FREM2: variants seen among roughly 807,000 people sequenced by gnomAD.
FREM2 encodes FRAS1 related extracellular matrix 2, also known as FRAS1-related extracellular matrix protein 2.
Under a neutral mutation model 219.9 loss-of-function variants are expected in FREM2, and 119 were observed. The ratio of observed to expected loss-of-function variants is 0.54; its 90% CI spans 0.47 to 0.63. The LOEUF is 0.63. Among genes scored for constraint, FREM2 ranks in the 30% least tolerant of loss-of-function variants. The pLI, the probability that FREM2 is intolerant of heterozygous loss-of-function variation, is 0.00. For missense variants in FREM2, 4,030 were observed against 3,993.6 expected (o/e 1.01, Z -0.25); for synonymous variants, 1,562 against 1,522.8 (o/e 1.03, Z -0.60).
At chr13:38,836,156 T>C (rs1876697898) in intron 6 of FREM2, among the ~76,000 whole-genome samples, 1 of 152,060 alleles carries the variant, frequency 6.6e-6, no homozygotes, top group Non-Finnish European at 1.5e-5. Flanking sequence ...CATGAAGGAG[T>C]GTTGAATTTT....
chr13:38,785,858 G>A (rs530895000), intron 6 of FREM2, among the ~76,000 whole-genome samples: 19 of 152,212 alleles, frequency 1.2e-4, no homozygotes, highest in Admixed American at 1.0e-3. Flanking sequence ...AGAATAATAG[G>A]TATTTTACCT....
intron 6 of FREM2, among the ~76,000 whole-genome samples, chr13:38,814,006 G>A (rs185954498): frequency 4.6e-5 from 7 of 151,738 alleles, no homozygotes; most frequent in African/African-American, 7.2e-5. Flanking sequence ...TCATGATGTC[G>A]CCTACATTTT....
intron 2 of FREM2, among the ~76,000 whole-genome samples, chr13:38,716,787 C>T (rs1270145501): frequency 1.3e-5 from 2 of 152,224 alleles, no homozygotes; most frequent in African/African-American, 2.4e-5. Context: ...GGATTATAGG[C>T]GTGAGCCACC....
chr13:38,856,359 A>G, intron 12 of FREM2, 103 bp downstream of exon 12: 1 of 1,058,182 alleles, frequency 9.5e-7, no homozygotes, highest in Non-Finnish European at 1.5e-6. Context: ...GACTTTGAAC[A>G]AGCCTTACGT....
intron 4 of FREM2, 63 bp from the exon 5 acceptor site, chr13:38,783,007 T>G: frequency 6.3e-7 from 1 of 1,579,322 alleles, no homozygotes; most frequent in African/African-American, 1.3e-5. Flanking sequence ...TAATTCTGTA[T>G]GATTGTTTCA....
At chr13:38,853,145 T>C (rs764249715) in intron 11 of FREM2, among the ~76,000 whole-genome samples, 1 of 151,682 alleles carries the variant, frequency 6.6e-6, no homozygotes, top group Non-Finnish European at 1.5e-5. Context: ...CTGACCAACA[T>C]GGCAAAACCC....
chr13:38,757,350 G>C (rs367641920), intron 2 of FREM2, among the ~76,000 whole-genome samples: 1 of 152,222 alleles, frequency 6.6e-6, no homozygotes, highest in Non-Finnish European at 1.5e-5. Flanking sequence ...TAATCTGGCC[G>C]TTGCTTGTCT....
chr13:38,723,481 TG>T lies in FREM2; in HGVS notation c.5263+25698del, dbSNP rs1309644230. On this transcript the variant is annotated intron_variant, in intron 2 of 23. Coordinates refer to ENST00000280481, the MANE Select transcript of FREM2 (RefSeq NM_207361.6). ...TAAGCTAGCAACTGGGCTTTTAAAC[TG>T]GGGCTGGATGGGAAAAAAGACCTTC... is the stretch of plus-strand genomic sequence containing the variant. Among the ~76,000 whole-genome samples, 3 of 152,126 alleles carry T rather than the reference TG, an allele frequency of 2.0e-5. No homozygotes were observed. The East Asian group carries it at 5.8e-4, about 29-fold the overall frequency.
chr13:38,875,959 A>G, intron 18 of FREM2, 63 bp from the exon 19 acceptor site: 1 of 1,422,184 alleles, frequency 7.0e-7, no homozygotes, highest in East Asian at 2.3e-5. Context: ...AAAACTCTAA[A>G]CTGTTATGCA....
At chr13:38,842,912 T>A (rs891902528) in intron 6 of FREM2, among the ~76,000 whole-genome samples, 1 of 152,210 alleles carries the variant, frequency 6.6e-6, no homozygotes, top group Non-Finnish European at 1.5e-5. Context: ...ATCCCCAACC[T>A]TGAGAAGCGC....
chr13:38,867,473 C>T (rs1878010413), intron 16 of FREM2, among the ~76,000 whole-genome samples: 1 of 152,218 alleles, frequency 6.6e-6, no homozygotes, highest in South Asian at 2.1e-4. Flanking sequence ...GTTGCTTACT[C>T]TCTTGAAGTG....
intron 2 of FREM2, among the ~76,000 whole-genome samples, chr13:38,760,572 CTT>C: frequency 6.6e-6 from 1 of 152,152 alleles, no homozygotes; most frequent in African/African-American, 2.4e-5. Flanking sequence ...CACTTAAAAT[CTT>C]TCAAGAAGTA....
intron 21 of FREM2, 61 bp downstream of exon 21, chr13:38,877,304 T>C: frequency 6.3e-7 from 1 of 1,590,998 alleles, no homozygotes; most frequent in Non-Finnish European, 8.6e-7. Context: ...GTGCTTTGCT[T>C]TTTGGGGATT....
chr13:38,745,618 G>A (rs377586750), intron 2 of FREM2, among the ~76,000 whole-genome samples: 8 of 152,056 alleles, frequency 5.3e-5, no homozygotes, highest in Admixed American at 1.3e-4. Context: ...ACCCTAATCC[G>A]CTATTTTCAG....
intron 6 of FREM2, among the ~76,000 whole-genome samples, chr13:38,829,980 A>T (rs1050448508): frequency 3.3e-5 from 5 of 152,092 alleles, no homozygotes; most frequent in Admixed American, 6.6e-5. Context: ...TTATAACCTT[A>T]TGTTTAATTA....
In FREM2 at chr13:38,687,329, C is replaced by T. The variant is rs1869498892; in HGVS notation, c.-16C>T. Reference sequence around the variant, plus strand: ...ATGCTCTCAGGCTGACCTGTCCAAGCCCGAACACCGGGACCATGCACTCAG... The same window carrying T: ...ATGCTCTCAGGCTGACCTGTCCAAGTCCGAACACCGGGACCATGCACTCAG... On this transcript the variant is annotated 5_prime_UTR_variant, in exon 1 of 24. Transcript: ENST00000280481. The T allele has an allele frequency of 6.3e-7, 1 of 1,589,312 alleles. No homozygotes were observed. Among genetic ancestry groups the T allele is most frequent in the Non-Finnish European group, 8.6e-7 (1 of 1,167,858 alleles).
chr13:38,851,484 T>A (rs1380175908), intron 10 of FREM2, among the ~76,000 whole-genome samples: 1 of 152,174 alleles, frequency 6.6e-6, no homozygotes, highest in Non-Finnish European at 1.5e-5. Flanking sequence ...CTCTGGGGGC[T>A]GGTTAGATCC....
At chr13:38,714,352 AT>A (rs1870896846) in intron 2 of FREM2, among the ~76,000 whole-genome samples, 1 of 152,246 alleles carries the variant, frequency 6.6e-6, no homozygotes, top group Admixed American at 6.5e-5. Context: ...TAGACATCAA[AT>A]ACTTCTGAAA....
chr13:38,851,223 T>C (rs1877358524), intron 10 of FREM2, 115 bp downstream of exon 10: 2 of 971,956 alleles, frequency 2.1e-6, no homozygotes, highest in Non-Finnish European at 3.1e-6. Context: ...ATGACTAGGG[T>C]TTTTAAGCAA....
Sources: gnomAD v4.1 joint callset for allele counts (sites outside exome capture counted in the v4.1 genomes callset) on GRCh38, gnomAD v4.1.1 for gene constraint, MANE v1.5 for transcripts, NCBI Gene and HGNC (gene_info 2026-07-23, HGNC 2026-07-21) for gene names.